The following SPAG16 variants were observed in gnomAD, a reference collection of about 807,000 sequenced individuals.
The protein encoded by SPAG16 is sperm-associated antigen 16 protein.
A neutral mutation model predicts 80.4 loss-of-function variants in SPAG16; 86 were observed. The observed-to-expected ratio is 1.07, with a 90% CI of 0.90 to 1.28. The LOEUF is 1.28. Among genes scored for constraint, SPAG16 ranks in the 50% most tolerant of loss-of-function variants. The pLI, the probability that SPAG16 is intolerant of heterozygous loss-of-function variation, is 0.00. For synonymous variants in SPAG16, 294 were observed against 265.9 expected, an observed-to-expected ratio of 1.11 and a Z score of -1.03; for missense variants, 870 against 765.3, an observed-to-expected ratio of 1.14 and a Z score of -1.61.
intron 12 of SPAG16, among the ~76,000 whole-genome samples, chr2:213,944,436 T>G (rs527320460): frequency 6.6e-6 from 1 of 152,334 alleles, no homozygotes; most frequent in East Asian, 1.9e-4. Flanking sequence ...ATGGAAATAT[T>G]TATCCTATGC....
At chr2:213,723,617 C>T (rs2066624119) in intron 10 of SPAG16, among the ~76,000 whole-genome samples, 1 of 152,218 alleles carries the variant, frequency 6.6e-6, no homozygotes, top group South Asian at 2.1e-4. Flanking sequence ...TCTTTTATGG[C>T]TTGCCAGGTC....
intron 15 of SPAG16, among the ~76,000 whole-genome samples, chr2:214,209,568 T>G (rs189507114): frequency 2.0e-4 from 30 of 152,242 alleles, no homozygotes; most frequent in African/African-American, 7.2e-4. Flanking sequence ...TTGAAAGAGT[T>G]TTATGGACCA....
intron 10 of SPAG16, among the ~76,000 whole-genome samples, chr2:213,659,435 T>C (rs1268807985): frequency 6.6e-6 from 1 of 151,708 alleles, no homozygotes; most frequent in Non-Finnish European, 1.5e-5. Flanking sequence ...ATGAAACAGA[T>C]TTTGTTTTAA....
At chr2:213,579,002 A>C (rs1311706515) in intron 10 of SPAG16, among the ~76,000 whole-genome samples, 1 of 152,116 alleles carries the variant, frequency 6.6e-6, no homozygotes. Flanking sequence ...AAGAACTTGC[A>C]TTGTTTTAAG....
chr2:214,150,332 C>T (rs760946576), intron 15 of SPAG16, among the ~76,000 whole-genome samples: 25 of 151,922 alleles, frequency 1.6e-4, no homozygotes, highest in Non-Finnish European at 2.5e-4. Context: ...GTTCCCATTA[C>T]AGATTGGCAT....
At chr2:213,858,883 T>TA (rs1378456734) in intron 10 of SPAG16, among the ~76,000 whole-genome samples, 2 of 151,710 alleles carry the variant, frequency 1.3e-5, no homozygotes, top group East Asian at 1.9e-4. Context: ...TCTATGAAAA[T>TA]AAAAAATAAA....
chr2:213,505,725 C>G (rs1197269804), intron 10 of SPAG16, among the ~76,000 whole-genome samples: 2 of 151,902 alleles, frequency 1.3e-5, no homozygotes, highest in Non-Finnish European at 2.9e-5. Context: ...TTTTCAAATA[C>G]CAAAACAGAT....
chr2:214,153,326 T>A (rs983806210), intron 15 of SPAG16, among the ~76,000 whole-genome samples: 5 of 152,120 alleles, frequency 3.3e-5, no homozygotes, highest in African/African-American at 7.2e-5. Flanking sequence ...TATGGCCTGG[T>A]TTTTCCTAGG....
chr2:213,963,295 T>C (rs1458749296), intron 12 of SPAG16, among the ~76,000 whole-genome samples: 1 of 152,122 alleles, frequency 6.6e-6, no homozygotes, highest in African/African-American at 2.4e-5. Flanking sequence ...ACTTGATACA[T>C]TATTCAGGAG....
At chr2:214,374,277 T>G (rs1699995861) in intron 15 of SPAG16, among the ~76,000 whole-genome samples, 1 of 152,178 alleles carries the variant, frequency 6.6e-6, no homozygotes, top group Non-Finnish European at 1.5e-5. Flanking sequence ...TCTAAAAAAA[T>G]CCAGAATGAT....
intron 9 of SPAG16, among the ~76,000 whole-genome samples, chr2:213,407,461 G>A (rs2068675853): frequency 6.6e-6 from 1 of 151,982 alleles, no homozygotes; most frequent in African/African-American, 2.4e-5. Flanking sequence ...CCCTAGTGTT[G>A]AGGGGTTGAG....
chr2:214,052,769 CTGTT>C, intron 13 of SPAG16, among the ~76,000 whole-genome samples: 1 of 152,276 alleles, frequency 6.6e-6, no homozygotes, highest in East Asian at 1.9e-4. Context: ...TACTTCCCCT[CTGTT>C]TGCTCCTTAC....
chr2:214,312,458 C>G (rs997785041), intron 15 of SPAG16, among the ~76,000 whole-genome samples: 2 of 152,192 alleles, frequency 1.3e-5, no homozygotes, highest in African/African-American at 4.8e-5. Context: ...CTCATATTCT[C>G]AAGGTGTACA....
intron 11 of SPAG16, among the ~76,000 whole-genome samples, chr2:213,913,169 T>C (rs2077756153): frequency 6.6e-6 from 1 of 152,164 alleles, no homozygotes; most frequent in African/African-American, 2.4e-5. Context: ...TTTTCCTCAA[T>C]ATAGTGTCTC....
chr2:214,043,472 C>G (rs2125102668), intron 13 of SPAG16, among the ~76,000 whole-genome samples: 1 of 152,262 alleles, frequency 6.6e-6, no homozygotes, highest in Admixed American at 6.5e-5. Flanking sequence ...CAATTTCAGG[C>G]AAGCTGCTTT....
At chr2:213,942,177 T>G (rs1483148560) in intron 12 of SPAG16, among the ~76,000 whole-genome samples, 1 of 152,184 alleles carries the variant, frequency 6.6e-6, no homozygotes, top group Non-Finnish European at 1.5e-5. Flanking sequence ...CAACTCTGGT[T>G]AAACCTAATT....
At chr2:213,400,875 C>T (rs1033225428) in intron 9 of SPAG16, among the ~76,000 whole-genome samples, 16 of 152,180 alleles carry the variant, frequency 1.1e-4, no homozygotes, top group South Asian at 1.0e-3. Flanking sequence ...GGCATGATCG[C>T]GGCTCACAGT....
At chr2:214,380,844 A>G (rs6742414) in intron 15 of SPAG16, among the ~76,000 whole-genome samples, 7,670 of 152,254 alleles carry the variant, frequency 0.05, 422 homozygotes, top group African/African-American at 0.14. Flanking sequence ...GAAGTCAATT[A>G]TTGCTTCCAC....
intron 10 of SPAG16, among the ~76,000 whole-genome samples, chr2:213,847,785 G>A (rs576192238): frequency 1.3e-4 from 19 of 151,988 alleles, no homozygotes; most frequent in Non-Finnish European, 2.1e-4. Flanking sequence ...CAGCAAACAC[G>A]GACCTCTCCT....
Sources: allele counts gnomAD v4.1 joint callset (sites outside exome capture counted in the v4.1 genomes callset), GRCh38; gene constraint gnomAD v4.1.1; transcripts MANE v1.5; gene names NCBI Gene and HGNC (gene_info 2026-07-23, HGNC 2026-07-21).